WDFY2: variants seen among roughly 807,000 people sequenced by gnomAD.
The protein encoded by WDFY2 is WD repeat and FYVE domain-containing protein 2.
Under a neutral mutation model 56.4 loss-of-function variants are expected in WDFY2, and 36 were observed. That is an observed-to-expected ratio of 0.64 (90% CI 0.49 to 0.84). The LOEUF (loss-of-function observed/expected upper bound fraction) is 0.84. Among genes scored for constraint, WDFY2 ranks in the 40% least tolerant of loss-of-function variants. The pLI, the probability that WDFY2 is intolerant of heterozygous loss-of-function variation, is 0.00. For missense variants in WDFY2, 444 were observed against 512.2 expected, an observed-to-expected ratio of 0.87 and a Z score of 1.29; for synonymous variants, 176 against 183.7, an observed-to-expected ratio of 0.96 and a Z score of 0.34.
At position 51,762,681 on chromosome 13, in the gene WDFY2, T is replaced by A. The variant is rs1045789395; in HGVS notation, c.*2912T>A. ...AGCTGGCGCCAGCACTTGGCTCTTG[T>A]TCTGTCTAGGTGAACTCTCATAATT... On this transcript the variant is annotated 3_prime_UTR_variant, in exon 12 of 12. Transcript: ENST00000298125. 1.3e-5 allele frequency: 2 copies of A among 152,242 alleles called. No homozygotes were observed. Among genetic ancestry groups the A allele is most frequent in the African/African-American group, 4.8e-5 (2 of 41,464 alleles). 9.4% of individuals were successfully genotyped at this position (152,242 alleles called of 1,614,324 possible).
At chr13:51,613,634 A>G (rs1593878689) in intron 1 of WDFY2, among the ~76,000 whole-genome samples, 2 of 152,328 alleles carry the variant, frequency 1.3e-5, no homozygotes, top group Admixed American at 1.3e-4. Context: ...AATGACAAAA[A>G]TACATACTCA....
chr13:51,737,244 G>C (rs1219878089), intron 6 of WDFY2, among the ~76,000 whole-genome samples: 1 of 152,156 alleles, frequency 6.6e-6, no homozygotes, highest in African/African-American at 2.4e-5. Context: ...GCTAGGTACT[G>C]TTTTGTGTGC....
At chr13:51,611,494 G>A (rs938119587) in intron 1 of WDFY2, among the ~76,000 whole-genome samples, 2 of 152,096 alleles carry the variant, frequency 1.3e-5, no homozygotes, top group African/African-American at 2.4e-5. Context: ...GATCTATAAA[G>A]CATTTTATAC....
chr13:51,733,278 C>T (rs1566200382), intron 6 of WDFY2, among the ~76,000 whole-genome samples: 2 of 152,174 alleles, frequency 1.3e-5, no homozygotes, highest in South Asian at 2.1e-4. Context: ...TTCAGGTGAT[C>T]CGCCCACTTC....
intron 1 of WDFY2, chr13:51,591,590 G>A (rs1954044646): frequency 1.3e-5 from 2 of 152,222 alleles, no homozygotes; most frequent in Admixed American, 1.3e-4. Flanking sequence ...AGAAACAAAG[G>A]TTTTATGAAA....
chr13:51,584,879 C>G (rs1953906237), intron 1 of WDFY2, 55 bp downstream of exon 1: 5 of 1,602,428 alleles, frequency 3.1e-6, no homozygotes, highest in Non-Finnish European at 1.7e-6. Context: ...CGACGGCCCT[C>G]GAGCCCGCGT....
intron 1 of WDFY2, among the ~76,000 whole-genome samples, chr13:51,654,684 T>A (rs1955474151): frequency 6.6e-6 from 1 of 152,230 alleles, no homozygotes; most frequent in Admixed American, 6.5e-5. Flanking sequence ...TTCAGAAAAA[T>A]TAAAACTTAC....
chr13:51,722,517 A>T (rs1245132573), intron 5 of WDFY2, among the ~76,000 whole-genome samples: 1 of 152,204 alleles, frequency 6.6e-6, no homozygotes, highest in Admixed American at 6.5e-5. Context: ...GGAAAAGAAA[A>T]AAATCTCAGA....
At chr13:51,702,666 C>T (rs1406387225) in intron 3 of WDFY2, among the ~76,000 whole-genome samples, 1 of 152,146 alleles carries the variant, frequency 6.6e-6, no homozygotes. Flanking sequence ...GCAAGTAAGG[C>T]ATTTAGGTGT....
intron 3 of WDFY2, among the ~76,000 whole-genome samples, chr13:51,694,726 C>G (rs575592940): frequency 6.6e-6 from 1 of 152,294 alleles, no homozygotes; most frequent in South Asian, 2.1e-4. Context: ...TGAATGTTGG[C>G]CTGCCTTGCT....
chr13:51,737,553 A>T (rs1292379068), intron 6 of WDFY2, among the ~76,000 whole-genome samples: 9 of 24,896 alleles, frequency 3.6e-4, no homozygotes, highest in Non-Finnish European at 1.6e-3. Flanking sequence ...AATGAATTTA[A>T]AAAAAAAAAA....
chr13:51,697,295 T>G (rs375475900), intron 3 of WDFY2, among the ~76,000 whole-genome samples: 3 of 152,282 alleles, frequency 2.0e-5, no homozygotes, highest in East Asian at 3.9e-4. Flanking sequence ...AGATTATTCA[T>G]AAGGATATTC....
chr13:51,610,243 T>G (rs1337976484), intron 1 of WDFY2, among the ~76,000 whole-genome samples: 1 of 151,556 alleles, frequency 6.6e-6, no homozygotes, highest in African/African-American at 2.4e-5. Flanking sequence ...TTTGACTGTT[T>G]TTTTTTTTTT....
At chr13:51,647,395 T>A (rs1955282374) in intron 1 of WDFY2, among the ~76,000 whole-genome samples, 1 of 152,204 alleles carries the variant, frequency 6.6e-6, no homozygotes, top group Admixed American at 6.5e-5. Context: ...TGTAGGCAAC[T>A]GTAACACAAA....
chr13:51,608,646 A>C (rs1954429013), intron 1 of WDFY2, among the ~76,000 whole-genome samples: 1 of 152,266 alleles, frequency 6.6e-6, no homozygotes, highest in Admixed American at 6.5e-5. Flanking sequence ...GCACCACTGC[A>C]TTCCAGCCTG....
intron 7 of WDFY2, among the ~76,000 whole-genome samples, chr13:51,742,212 T>C (rs540172482): frequency 2.8e-4 from 42 of 152,320 alleles, no homozygotes; most frequent in African/African-American, 9.6e-4. Context: ...GTGACATTTT[T>C]ATAACTAGCT....
chr13:51,663,174 C>T (rs1593955625), intron 2 of WDFY2, among the ~76,000 whole-genome samples: 1 of 152,082 alleles, frequency 6.6e-6, no homozygotes, highest in African/African-American at 2.4e-5. Flanking sequence ...AAACCCAAAC[C>T]GTAGATAATT....
intron 6 of WDFY2, among the ~76,000 whole-genome samples, chr13:51,731,572 A>C (rs1952724146): frequency 6.6e-6 from 1 of 152,216 alleles, no homozygotes; most frequent in South Asian, 2.1e-4. Flanking sequence ...GCCCATCACT[A>C]ATGTGGCTAC....
intron 7 of WDFY2, among the ~76,000 whole-genome samples, chr13:51,743,054 A>G (rs1301661119): frequency 6.6e-6 from 1 of 152,242 alleles, no homozygotes; most frequent in Non-Finnish European, 1.5e-5. Flanking sequence ...GTTAGAGGAC[A>G]GGTGGACAAG....
Sources: gnomAD v4.1 joint callset for allele counts (sites outside exome capture counted in the v4.1 genomes callset) on GRCh38, gnomAD v4.1.1 for gene constraint, MANE v1.5 for transcripts, NCBI Gene and HGNC (gene_info 2026-07-23, HGNC 2026-07-21) for gene names.